The following SHISAL1 variants were observed in gnomAD, a reference collection of about 807,000 sequenced individuals.
SHISAL1 encodes the protein protein shisa-like-1.
SHISAL1 carries 9 observed loss-of-function variants against 22.6 expected under a neutral mutation model. The observed-to-expected ratio is 0.40, with a 90% CI of 0.24 to 0.70. SHISAL1 has a LOEUF of 0.70. Among genes scored for constraint, SHISAL1 ranks in the 30% least tolerant of loss-of-function variants. SHISAL1 has a pLI of 0.39. For missense variants in SHISAL1, 246 were observed against 270.6 expected (o/e 0.91, Z 0.64); for synonymous variants, 119 against 115.4 (o/e 1.03, Z -0.20).
intron 3 of SHISAL1, among the ~76,000 whole-genome samples, chr22:44,295,756 T>G (rs563133713): frequency 6.6e-6 from 1 of 152,046 alleles, no homozygotes; most frequent in South Asian, 2.1e-4. Flanking sequence ...TAGCTCACGG[T>G]AAAAGAAATA....
intron 1 of SHISAL1, 110 bp downstream of exon 1, chr22:44,312,641 C>T (rs967781426): frequency 6.6e-6 from 1 of 152,290 alleles, no homozygotes; most frequent in Non-Finnish European, 1.5e-5. Flanking sequence ...TGCCTGGCTT[C>T]TCCCTTAGAC....
At chr22:44,278,169 C>T (rs1244602077) in intron 4 of SHISAL1, among the ~76,000 whole-genome samples, 1 of 152,170 alleles carries the variant, frequency 6.6e-6, no homozygotes, top group Non-Finnish European at 1.5e-5. Flanking sequence ...GAACATAAAA[C>T]AGGCAGAAAA....
At chr22:44,319,479 C>A in the SHISAL1 span, among the ~76,000 whole-genome samples, 1 of 152,244 alleles carries the variant, frequency 6.6e-6, no homozygotes, top group African/African-American at 2.4e-5. Flanking sequence ...TTCCCCATTA[C>A]TGGGAACAGC....
intron 1 of SHISAL1, among the ~76,000 whole-genome samples, chr22:44,303,088 T>C (rs2055443926): frequency 6.6e-6 from 1 of 152,056 alleles, no homozygotes; most frequent in Admixed American, 6.5e-5. Context: ...GTGCTCTGTG[T>C]AACAGCGTCG....
intron 2 of SHISAL1, 38 bp downstream of exon 2, chr22:44,300,841 C>T (rs113050020): frequency 0.035 from 55,495 of 1,581,520 alleles, 1,199 homozygotes; most frequent in Non-Finnish European, 0.041. Flanking sequence ...CACACCCCCA[C>T]GTGCCGCCCC....
At chr22:44,276,834 G>A (rs1244233839) in intron 4 of SHISAL1, among the ~76,000 whole-genome samples, 1 of 146,304 alleles carries the variant, frequency 6.8e-6, no homozygotes. Flanking sequence ...CCCAGGGGTG[G>A]GTGGAAATGA....
At chr22:44,285,362 CG>C (rs2055305442) in intron 4 of SHISAL1, 65 bp downstream of exon 4, 1 of 1,495,782 alleles carries the variant, frequency 6.7e-7, no homozygotes, top group African/African-American at 1.4e-5. Flanking sequence ...AGAGTGATGG[CG>C]TATTCTCCAA....
At chr22:44,329,270 T>C in the SHISAL1 span, among the ~76,000 whole-genome samples, 1 of 152,164 alleles carries the variant, frequency 6.6e-6, no homozygotes. Context: ...GACCGGTAAC[T>C]GGGAGTGGCT....
At chr22:44,267,235 T>C (rs571216156) in intron 4 of SHISAL1, among the ~76,000 whole-genome samples, 1 of 152,124 alleles carries the variant, frequency 6.6e-6, no homozygotes, top group South Asian at 2.1e-4. Context: ...CTGCCACAGG[T>C]GGGAGCGCCT....
chr22:44,251,834 GGGT>G (rs1294510197), intron 4 of SHISAL1, among the ~76,000 whole-genome samples: 1 of 152,186 alleles, frequency 6.6e-6, no homozygotes, highest in African/African-American at 2.4e-5. Context: ...GATGAGATTT[GGGT>G]GGGGACACAG....
intron 3 of SHISAL1, among the ~76,000 whole-genome samples, chr22:44,289,980 T>C (rs2055341921): frequency 6.6e-6 from 1 of 152,186 alleles, no homozygotes; most frequent in South Asian, 2.1e-4. Flanking sequence ...TCAAATTCTT[T>C]TGGTGTTTCC....
At chr22:44,269,951 T>A (rs1179866676) in intron 4 of SHISAL1, among the ~76,000 whole-genome samples, 2 of 152,302 alleles carry the variant, frequency 1.3e-5, no homozygotes, top group East Asian at 3.9e-4. Flanking sequence ...CTCTGAGTTG[T>A]CCTTGTCCTC....
chr22:44,292,938 T>C (rs2055362605), intron 3 of SHISAL1, among the ~76,000 whole-genome samples: 1 of 152,234 alleles, frequency 6.6e-6, no homozygotes. Context: ...ATCCCATGCA[T>C]GGCCTATGCA....
intron 4 of SHISAL1, among the ~76,000 whole-genome samples, chr22:44,272,146 A>T (rs561409592): frequency 6.6e-6 from 1 of 152,312 alleles, no homozygotes; most frequent in Admixed American, 6.5e-5. Context: ...CAGGTGTGTC[A>T]TGTTGCCAAG....
Position 44,248,357 on chromosome 22 carries a change from T to A in SHISAL1, c.*1328A>T, listed in dbSNP as rs2055021491. On this transcript the variant is annotated 3_prime_UTR_variant, in exon 5 of 5. Coordinates refer to ENST00000381176, the MANE Select transcript of SHISAL1 (RefSeq NM_001099294.2). ...GAGCTAAGAGCTGGGGGAGATTTGG[T>A]ATCACTAACACCCATGGAATGAGTG... is the stretch of plus-strand genomic sequence containing the variant. 1 of 152,258 alleles carries A rather than the reference T, an allele frequency of 6.6e-6. No homozygotes were observed. Among genetic ancestry groups the A allele is most frequent in the South Asian group, 2.1e-4 (1 of 4,832 alleles). The allele number at this position is 152,258 out of a possible 1,614,324, so 9.4% of individuals were successfully genotyped here.
intron 3 of SHISAL1, among the ~76,000 whole-genome samples, chr22:44,291,818 C>T (rs536738327): frequency 6.6e-6 from 1 of 152,286 alleles, no homozygotes; most frequent in Admixed American, 6.5e-5. Context: ...CCTGGCCCAC[C>T]GCGACCCCCA....
At chr22:44,297,161 T>C (rs914577935) in intron 2 of SHISAL1, among the ~76,000 whole-genome samples, 1 of 152,162 alleles carries the variant, frequency 6.6e-6, no homozygotes, top group African/African-American at 2.4e-5. Context: ...AGTCACTCAA[T>C]TAGGAAATCA....
upstream of SHISAL1, among the ~76,000 whole-genome samples, chr22:44,314,315 G>A (rs77887772): frequency 3.2e-3 from 489 of 152,258 alleles, 1 homozygote; most frequent in African/African-American, 0.011. Context: ...CTCTGAGCTT[G>A]GGGTTTGAAC....
At chr22:44,317,258 C>G (rs2055563769), upstream of SHISAL1, among the ~76,000 whole-genome samples, 1 of 152,174 alleles carries the variant, frequency 6.6e-6, no homozygotes, top group South Asian at 2.1e-4. Flanking sequence ...GGACGTGCCT[C>G]TCGAATGGAT....
Sources: allele counts gnomAD v4.1 joint callset (sites outside exome capture counted in the v4.1 genomes callset), GRCh38; gene constraint gnomAD v4.1.1; transcripts MANE v1.5; gene names NCBI Gene and HGNC (gene_info 2026-07-23, HGNC 2026-07-21).